SPG7: variants seen among roughly 807,000 people sequenced by gnomAD.
The protein encoded by SPG7 is SPG7 matrix AAA peptidase subunit, paraplegin, also known as mitochondrial inner membrane m-AAA protease component paraplegin.
Under a neutral mutation model 81.9 loss-of-function variants are expected in SPG7, and 103 were observed. The observed-to-expected ratio is 1.26, with a 90% CI of 1.07 to 1.48. The LOEUF is 1.48. Among genes scored for constraint, SPG7 ranks in the 40% most tolerant of loss-of-function variants. SPG7 has a pLI of 0.00. For synonymous variants in SPG7, 534 were observed against 444.2 expected, an observed-to-expected ratio of 1.20 and a Z score of -2.54; for missense variants, 1,241 against 1,087.3, an observed-to-expected ratio of 1.14 and a Z score of -1.99.
At chr16:89,553,634 T>C (rs780552661) in intron 14 of SPG7, 160 bp from the exon 15 acceptor site, 19 of 660,778 alleles carry the variant, frequency 2.9e-5, no homozygotes, top group Non-Finnish European at 5.1e-5. Flanking sequence ...GGAACAGTGG[T>C]GAGGTGCCAA....
chr16:89,513,757 C>T (rs1041572771), intron 3 of SPG7, among the ~76,000 whole-genome samples: 8 of 1,454 alleles, frequency 5.5e-3, no homozygotes, highest in Non-Finnish European at 0.024. Context: ...TGGAAATCAG[C>T]GTTGTTAAGA....
At chr16:89,523,841 C>CT (rs2058225267) in intron 3 of SPG7, 165 bp from the exon 4 acceptor site, 1 of 927,312 alleles carries the variant, frequency 1.1e-6, no homozygotes, top group Admixed American at 2.0e-5. Context: ...CAGCGTTAGT[C>CT]TTTGTCTCTG....
intron 16 of SPG7, chr16:89,556,420 C>T (rs987022734): frequency 5.2e-5 from 14 of 266,856 alleles, no homozygotes; most frequent in Non-Finnish European, 9.9e-5. Flanking sequence ...GCAGGTCCAC[C>T]GGCACAGGAC....
chr16:89,554,280 G>A (rs2058665842), intron 15 of SPG7, among the ~76,000 whole-genome samples: 1 of 152,102 alleles, frequency 6.6e-6, no homozygotes, highest in Non-Finnish European at 1.5e-5. Flanking sequence ...AGGCAGCTGT[G>A]GGTGGGTGTG....
chr16:89,540,827 A>T, intron 9 of SPG7: 2 of 890,880 alleles, frequency 2.2e-6, no homozygotes, highest in East Asian at 1.2e-4. Context: ...GCAAAGACTT[A>T]GGCTCACACG....
chr16:89,537,531 T>TC, intron 9 of SPG7: 1 of 988,920 alleles, frequency 1.0e-6, no homozygotes, highest in Non-Finnish European at 1.2e-6. Context: ...ATTTTATGCT[T>TC]CGACTTTTTT....
intron 3 of SPG7, among the ~76,000 whole-genome samples, chr16:89,515,509 T>G (rs1423302219): frequency 6.7e-6 from 1 of 149,414 alleles, no homozygotes; most frequent in Non-Finnish European, 1.5e-5. Flanking sequence ...CCTCGTGATC[T>G]CCCCACTTCG....
intron 14 of SPG7, chr16:89,553,350 A>G: frequency 1.7e-6 from 1 of 598,438 alleles, no homozygotes; most frequent in East Asian, 2.9e-5. Context: ...CTATATGCCA[A>G]CTCTAGACAC....
intron 6 of SPG7, chr16:89,529,847 C>CTT: frequency 2.1e-6 from 1 of 483,958 alleles, no homozygotes; most frequent in Non-Finnish European, 3.8e-6. Flanking sequence ...TTTTTCTTTT[C>CTT]TTTTTTTTTG....
intron 3 of SPG7, chr16:89,520,498 G>C (rs2058171371): frequency 6.4e-6 from 1 of 157,284 alleles, no homozygotes; most frequent in African/African-American, 2.4e-5. Context: ...CCATGTTTAA[G>C]CGATTCTCCT....
At position 89,553,797 on chromosome 16, in the gene SPG7, C is replaced by T. The variant is rs776380988; in HGVS notation, c.1940C>T (p.Ala647Val). The change falls in exon 15 of 17, where the codon GCA becomes GTA. Residue 647 changes from alanine (A) to valine (V), a missense_variant. By Grantham distance (64) the Ala-to-Val change is moderately conservative (BLOSUM62 0). Transcript: ENST00000645818. ...ALSFNEVTSG[A>V]QDDLRKVTRI... ...CTGTCTCGACCCCGCCCTCCAGGGG[C>T]ACAGGACGACCTGAGGAAGGTCACC... The T allele has an allele frequency of 1.2e-6, 2 of 1,613,436 alleles. No individual in the cohort carries two copies. Among genetic ancestry groups the T allele is most frequent in the Non-Finnish European group, 1.7e-6 (2 of 1,180,006 alleles).
rs751201438 is a variant in SPG7 at position 89,546,752 on chromosome 16, G to A, written c.1544G>A (p.Gly515Glu). The A allele has an allele frequency of 3.1e-6, 5 of 1,609,532 alleles. No individual in the cohort carries two copies. In the East Asian group the frequency reaches 6.7e-5, roughly 22 times the overall value. ...CAGCGTCTGGCAGAGCTGACACCAG[G>A]ATTCAGTGGTACGTTCTCAACCCGC... ...YSQRLAELTP[G>E]FSGADIANIC... The change falls in exon 11 of 17, where the codon GGA becomes GAA. Residue 515 changes from glycine to glutamate, a missense_variant. Gly to Glu is a moderately conservative substitution (Grantham distance 98). Transcript: ENST00000645818.
intron 1 of SPG7, among the ~76,000 whole-genome samples, chr16:89,510,279 A>C (rs2057997685): frequency 6.6e-6 from 1 of 152,128 alleles, no homozygotes; most frequent in Non-Finnish European, 1.5e-5. Flanking sequence ...CTGGCCAATT[A>C]CTGTGTTTTA....
At chr16:89,548,162 C>T (rs1034854879) in intron 12 of SPG7, 49 bp downstream of exon 12, 1 of 1,301,242 alleles carries the variant, frequency 7.7e-7, no homozygotes, top group South Asian at 1.2e-5. Flanking sequence ...AGGGCTTGAA[C>T]CCCAGAAATA....
intron 12 of SPG7, chr16:89,549,440 C>T (rs2058607204): frequency 5.5e-6 from 2 of 360,522 alleles, no homozygotes; most frequent in East Asian, 1.5e-4. Flanking sequence ...AGGAGGGTTG[C>T]TTGAGGCCAG....
chr16:89,525,793 T>A (rs561166080), intron 4 of SPG7, among the ~76,000 whole-genome samples: 2 of 152,266 alleles, frequency 1.3e-5, no homozygotes, highest in African/African-American at 4.8e-5. Context: ...CATCTGTTTT[T>A]GGCCGTAGTC....
chr16:89,520,184 A>T (rs12924776), intron 3 of SPG7: 20,459 of 152,754 alleles, frequency 0.13, 1,718 homozygotes, highest in Middle Eastern at 0.21. Flanking sequence ...GGAAGCACAC[A>T]GGAGGAAGGT....
chr16:89,546,085 G>T, intron 10 of SPG7: 1 of 295,492 alleles, frequency 3.4e-6, no homozygotes, highest in Non-Finnish European at 6.6e-6. Context: ...CCTTCCAAGA[G>T]CGTTCTCTTT....
intron 16 of SPG7, chr16:89,555,558 C>T (rs2058679018): frequency 2.9e-5 from 7 of 237,596 alleles, no homozygotes; most frequent in East Asian, 1.6e-4. Flanking sequence ...GTGTCCTTTC[C>T]GGTCTTGGGA....
Sources: gnomAD v4.1 joint callset for allele counts (sites outside exome capture counted in the v4.1 genomes callset) on GRCh38, gnomAD v4.1.1 for gene constraint, MANE v1.5 for transcripts, NCBI Gene and HGNC (gene_info 2026-07-23, HGNC 2026-07-21) for gene names.